Variants in ANK3 observed in about 807,000 individuals in gnomAD.
ANK3 encodes ankyrin 3, also known as ankyrin-3.
Under a neutral mutation model 370.9 loss-of-function variants are expected in ANK3, and 57 were observed. The ratio of observed to expected loss-of-function variants is 0.15; its 90% CI spans 0.12 to 0.19. The LOEUF (loss-of-function observed/expected upper bound fraction) is 0.19. ANK3 is among the 10% of genes least tolerant of loss of function. ANK3 has a pLI of 1.00. For missense variants in ANK3, 4,439 were observed against 5,302.1 expected (o/e 0.84, Z 5.06); for synonymous variants, 1,929 against 1,946.3 (o/e 0.99, Z 0.23).
At chr10:60,320,529 G>A (rs559207667) in intron 1 of ANK3, among the ~76,000 whole-genome samples, 1 of 152,190 alleles carries the variant, frequency 6.6e-6, no homozygotes, top group Non-Finnish European at 1.5e-5. Context: ...AACCTAGGAG[G>A]TGAAGGTTGC....
rs869054603 is a variant in ANK3 at position 60,591,347 on chromosome 10, A to ATTTT, written c.96+23835_96+23838dup. 2.1e-4 allele frequency among the ~76,000 whole-genome samples: 26 copies of ATTTT among 122,642 alleles called. No homozygotes were observed. In the South Asian group the frequency reaches 6.3e-3, roughly 30 times the overall value. 80.5% of individuals were successfully genotyped at this position (122,642 alleles called of 152,430 possible). ...TATTTATTTATTTATTTATTTATTT[A>ATTTT]TTTTTGTGGCAGAGTCTTGCTCTGT... On this transcript the variant is annotated intron_variant, in intron 2 of 43. Coordinates refer to the ANK3 transcript ENST00000373827.
intron 8 of ANK3, among the ~76,000 whole-genome samples, chr10:60,221,489 C>A (rs1340655): frequency 0.57 from 86,918 of 152,046 alleles, 25,033 homozygotes; most frequent in East Asian, 0.79. Flanking sequence ...ACTCAGCTTC[C>A]ACAATTGTCA....
chr10:60,368,955 G>C (rs1306903902), intron 1 of ANK3, among the ~76,000 whole-genome samples: 55 of 152,166 alleles, frequency 3.6e-4, no homozygotes, highest in Admixed American at 3.5e-3. Context: ...CTATAGAAGG[G>C]AATAAAGGAA....
intron 2 of ANK3, among the ~76,000 whole-genome samples, chr10:60,504,042 A>G (rs2075871407): frequency 6.6e-6 from 1 of 152,230 alleles, no homozygotes; most frequent in Admixed American, 6.5e-5. Flanking sequence ...CAAAAGTATA[A>G]GAGGGAACCA....
At chr10:60,381,660 C>A (rs1015156041) in intron 1 of ANK3, among the ~76,000 whole-genome samples, 2 of 152,124 alleles carry the variant, frequency 1.3e-5, no homozygotes, top group Non-Finnish European at 2.9e-5. Context: ...CATTTAAGAA[C>A]CTGTACTTTA....
chr10:60,432,369 T>C (rs547248563), intron 2 of ANK3, among the ~76,000 whole-genome samples: 1 of 152,306 alleles, frequency 6.6e-6, no homozygotes, highest in Admixed American at 6.5e-5. Flanking sequence ...GGAATAAACT[T>C]TTAGAGAGTT....
At chr10:60,049,181 A>G (rs1433819153) in intron 42 of ANK3, among the ~76,000 whole-genome samples, 2 of 152,216 alleles carry the variant, frequency 1.3e-5, no homozygotes, top group African/African-American at 2.4e-5. Flanking sequence ...CATATGAAAG[A>G]TATCTCTCAA....
At chr10:60,140,022 G>T (rs1420213494) in intron 23 of ANK3, 1 of 351,712 alleles carries the variant, frequency 2.8e-6, no homozygotes, top group Middle Eastern at 7.9e-4. Context: ...CCAAGAGATT[G>T]CAAAAGTGTA....
chr10:60,688,189 C>T (rs951580897), intron 1 of ANK3, among the ~76,000 whole-genome samples: 2 of 152,040 alleles, frequency 1.3e-5, no homozygotes, highest in Admixed American at 6.6e-5. Context: ...CATGCCTCAG[C>T]CTCCCCAGTA....
intron 2 of ANK3, among the ~76,000 whole-genome samples, chr10:60,497,060 T>C (rs1034064588): frequency 2.0e-5 from 3 of 152,148 alleles, no homozygotes; most frequent in African/African-American, 7.2e-5. Flanking sequence ...CCAGCACTTT[T>C]GGAGGCTGAG....
rs112329242 is a variant in ANK3, at chr10:60,195,969, C to T, written c.1887+176G>A. On this transcript the variant is annotated intron_variant, in intron 16 of 43. Coordinates refer to ENST00000280772, the MANE Select transcript of ANK3 (RefSeq NM_020987.5). ...CAAGTAAATATTTCCTGAGTATCTA[C>T]CATATTAGCAGACTAAATCACTGAA... 1.6e-3 allele frequency among the ~76,000 whole-genome samples: 244 copies of T among 152,258 alleles called. 1 individual carries two copies. Among genetic ancestry groups the T allele is most frequent in the African/African-American group, 5.5e-3 (230 of 41,536 alleles).
At chr10:60,056,099 T>C (rs2079105855) in intron 41 of ANK3, 63 bp from the exon 42 acceptor site, 1 of 1,513,558 alleles carries the variant, frequency 6.6e-7, no homozygotes, top group East Asian at 2.3e-5. Flanking sequence ...TTGCAGAAAC[T>C]CTAAAGTTTT....
intron 9 of ANK3, among the ~76,000 whole-genome samples, chr10:60,212,180 G>C (rs1565714230): frequency 6.6e-6 from 1 of 152,134 alleles, no homozygotes; most frequent in Non-Finnish European, 1.5e-5. Flanking sequence ...GCAACTCTCT[G>C]ATTTTTAACA....
chr10:60,390,346 C>T (rs574073025), upstream of ANK3, among the ~76,000 whole-genome samples: 71 of 152,282 alleles, frequency 4.7e-4, no homozygotes, highest in Non-Finnish European at 7.6e-4. Context: ...GTGTATGGAA[C>T]AGATGCCTGA....
intron 1 of ANK3, among the ~76,000 whole-genome samples, chr10:60,386,022 A>C (rs552179159): frequency 1.3e-5 from 2 of 152,164 alleles, no homozygotes; most frequent in Non-Finnish European, 2.9e-5. Flanking sequence ...CCTGACCACA[A>C]AGAGAGCACG....
intron 38 of ANK3, among the ~76,000 whole-genome samples, chr10:60,064,668 CACAGCAACAACAACA>C (rs1210347893): frequency 1.1e-4 from 12 of 110,432 alleles, no homozygotes; most frequent in Admixed American, 1.7e-4. Context: ...TCTCCATACA[CACAGCAACAACAACA>C]ACAACAACAA....
At chr10:60,219,401 G>C (rs539415976) in intron 8 of ANK3, among the ~76,000 whole-genome samples, 50 of 152,268 alleles carry the variant, frequency 3.3e-4, no homozygotes, top group African/African-American at 1.1e-3. Context: ...GGGTTTATCA[G>C]ATCATTAGAA....
intron 2 of ANK3, among the ~76,000 whole-genome samples, chr10:60,470,634 T>C (rs1189074724): frequency 6.6e-6 from 1 of 152,066 alleles, no homozygotes; most frequent in South Asian, 2.1e-4. Flanking sequence ...AGGCACAGGA[T>C]AGACGCTGAT....
At chr10:60,365,212 A>G (rs2132756851) in intron 1 of ANK3, among the ~76,000 whole-genome samples, 1 of 151,962 alleles carries the variant, frequency 6.6e-6, no homozygotes, top group South Asian at 2.1e-4. Context: ...TCTGTTACAG[A>G]GATATCATTC....
Sources: allele counts gnomAD v4.1 joint callset (sites outside exome capture counted in the v4.1 genomes callset), GRCh38; gene constraint gnomAD v4.1.1; transcripts MANE v1.5; gene names NCBI Gene and HGNC (gene_info 2026-07-23, HGNC 2026-07-21).